CAPN2: variants seen among roughly 807,000 people sequenced by gnomAD.
The protein encoded by CAPN2 is calpain-2 catalytic subunit.
Under a neutral mutation model 102.3 loss-of-function variants are expected in CAPN2, and 92 were observed. That is an observed-to-expected ratio of 0.90 (90% CI 0.76 to 1.07). The LOEUF (loss-of-function observed/expected upper bound fraction) is 1.07, where lower values mean the gene tolerates loss of function less well. CAPN2 is among the 50% of genes least tolerant of loss of function. The pLI is 0.00. For missense variants in CAPN2, 800 were observed against 909.4 expected (o/e 0.88, Z 1.55); for synonymous variants, 340 against 355.4 (o/e 0.96, Z 0.49).
chr1:223,770,562 ATC>A, intron 18 of CAPN2, 37 bp downstream of exon 18: 1 of 1,356,380 alleles, frequency 7.4e-7, no homozygotes, highest in Admixed American at 1.7e-5. Context: ...TCCTAGTTTA[ATC>A]TGTCTGTAGA....
Position 223,759,109 on chromosome 1 carries a change from GC to G in CAPN2, c.1318-158del. The G allele has an allele frequency of 1.5e-6, 1 of 675,004 alleles. No homozygotes were observed. 41.8% of individuals were successfully genotyped at this position (675,004 alleles called of 1,614,324 possible). ...TATATAGATGAGGGCTTCCTGTGTTGCCCAGGCTGGTTTCTGACGCCTGGCC... is the reference window on the plus strand; with the variant it reads ...TATATAGATGAGGGCTTCCTGTGTTGCCAGGCTGGTTTCTGACGCCTGGCC... On this transcript the variant is annotated intron_variant, in intron 11 of 20. Coordinates refer to ENST00000295006, the MANE Select transcript of CAPN2 (RefSeq NM_001748.5). This position sits in a 1 kb window ranked among gnomAD's most constrained non-coding sequence, Gnocchi z 4.6.
intron 2 of CAPN2, among the ~76,000 whole-genome samples, chr1:223,732,534 C>T (rs376309704): frequency 1.3e-5 from 2 of 152,250 alleles, no homozygotes; most frequent in South Asian, 2.1e-4. Flanking sequence ...GCAGAGGTCA[C>T]TCTTGTCACC....
intron 5 of CAPN2, 137 bp downstream of exon 5, chr1:223,747,302 C>T: frequency 2.7e-6 from 2 of 749,702 alleles, no homozygotes; most frequent in Non-Finnish European, 4.0e-6. Flanking sequence ...AAAGGAAAAC[C>T]TCCCTCCACC....
chr1:223,755,724 G>GTTCTGCCTCTGGGGTC lies in CAPN2; in HGVS notation c.1305+75_1305+76insTTCTGCCTCTGGGGTC. ...GCCCCTGCATGGAAAGCTGACCCCA[G>GTTCTGCCTCTGGGGTC]AGGCAGAACTGGGGATGGGATCCCA... On this transcript the variant is annotated intron_variant, in intron 10 of 20. Transcript: ENST00000295006. The surrounding 1 kb of genome is among the most constrained non-coding windows in gnomAD (Gnocchi z 4.1). 1.4e-6 allele frequency: 2 copies of GTTCTGCCTCTGGGGTC among 1,380,754 alleles called. No individual in the cohort carries two copies. The highest frequency in any genetic ancestry group is 1.9e-6 in the Non-Finnish European group (2 of 1,031,188). 85.5% of individuals were successfully genotyped at this position (1,380,754 alleles called of 1,614,324 possible).
intron 16 of CAPN2, among the ~76,000 whole-genome samples, chr1:223,766,682 G>GGC: frequency 6.6e-6 from 1 of 152,278 alleles, no homozygotes; most frequent in Non-Finnish European, 1.5e-5. Context: ...GCCCATGGCG[G>GGC]GCGGTGGCTC....
intron 4 of CAPN2, 31 bp from the exon 5 acceptor site, chr1:223,746,966 G>A (rs1558070442): frequency 6.3e-7 from 1 of 1,597,556 alleles, no homozygotes; most frequent in Non-Finnish European, 8.6e-7. Context: ...TAGTGTCAAG[G>A]GTAGCGGCAG....
intron 2 of CAPN2, among the ~76,000 whole-genome samples, chr1:223,739,970 G>T (rs1009862207): frequency 6.6e-6 from 1 of 152,180 alleles, no homozygotes; most frequent in Non-Finnish European, 1.5e-5. Flanking sequence ...AGACGTCATG[G>T]ACTTCAACCA....
rs1271867271 is a variant in CAPN2 at position 223,772,214 on chromosome 1, G to C, written c.2054G>C (p.Gly685Ala). ...AAGCAGCTGGATCCCGAGAATACTGGAACAATAGAGCTCGACCTTATCTCT... is the reference window on the plus strand; with the variant it reads ...AAGCAGCTGGATCCCGAGAATACTGCAACAATAGAGCTCGACCTTATCTCT... ...IFKQLDPENT[G>A]TIELDLISWL... The change falls in exon 20 of 21, where the codon GGA becomes GCA. Residue 685 changes from glycine to alanine, a missense_variant. Gly to Ala is a moderately conservative substitution (Grantham distance 60, BLOSUM62 0). Transcript: ENST00000295006. The C allele has an allele frequency of 1.9e-6, 3 of 1,614,122 alleles. No homozygotes were observed. The highest frequency in any genetic ancestry group is 4.5e-5 in the East Asian group (2 of 44,882).
At chr1:223,761,464 G>T in intron 12 of CAPN2, 117 bp from the exon 13 acceptor site, 2 of 737,732 alleles carry the variant, frequency 2.7e-6, no homozygotes, top group Non-Finnish European at 2.2e-6. Flanking sequence ...CCGCAGCCCT[G>T]CCCCACCCCA....
chr1:223,751,798 G>C (rs1217864765), intron 7 of CAPN2, among the ~76,000 whole-genome samples, 199 bp from the exon 8 acceptor site: 1 of 152,168 alleles, frequency 6.6e-6, no homozygotes, highest in Non-Finnish European at 1.5e-5. Flanking sequence ...TCCCTGGTTT[G>C]CATCTGTATA....
At chr1:223,765,033 C>A (rs1661276556) in intron 15 of CAPN2, among the ~76,000 whole-genome samples, 1 of 152,150 alleles carries the variant, frequency 6.6e-6, no homozygotes, top group Admixed American at 6.5e-5. Context: ...AATCACGCTG[C>A]ATTTGTTAAG....
At chr1:223,716,595 A>G (rs1659878696) in intron 1 of CAPN2, among the ~76,000 whole-genome samples, 2 of 151,880 alleles carry the variant, frequency 1.3e-5, no homozygotes, top group African/African-American at 4.8e-5. Flanking sequence ...CAAGTCTCAT[A>G]TAGGCATACT....
chr1:223,744,626 C>A (rs1404526877), intron 3 of CAPN2, among the ~76,000 whole-genome samples: 1 of 152,084 alleles, frequency 6.6e-6, no homozygotes, highest in Non-Finnish European at 1.5e-5. Flanking sequence ...TTTGGGAGGC[C>A]GAGGTGGGCA....
At chr1:223,757,226 C>T in intron 10 of CAPN2, 143 bp from the exon 11 acceptor site, 1 of 905,546 alleles carries the variant, frequency 1.1e-6, no homozygotes, top group East Asian at 2.4e-5. Flanking sequence ...GCTTTGAGTT[C>T]CTTGGAAAAC....
chr1:223,758,689 C>CTTTTTT (rs1553255729), intron 11 of CAPN2: 1 of 146,728 alleles, frequency 6.8e-6, no homozygotes, highest in Non-Finnish European at 1.5e-5. Context: ...AGAAAGTTTG[C>CTTTTTT]TTTTTGTTTT....
intron 14 of CAPN2, 58 bp downstream of exon 14, chr1:223,762,309 G>A (rs1214098119): frequency 7.3e-7 from 1 of 1,366,188 alleles, no homozygotes; most frequent in East Asian, 2.3e-5. Flanking sequence ...AAGAGACAGT[G>A]TGTGTCCCCA....
At chr1:223,769,766 C>A in intron 16 of CAPN2, 75 bp from the exon 17 acceptor site, 1 of 1,076,596 alleles carries the variant, frequency 9.3e-7, no homozygotes, top group Non-Finnish European at 1.4e-6. Flanking sequence ...TCAAAAGATC[C>A]AGTTGAGAAG....
At chr1:223,773,943 A>T (rs1038763207) in intron 20 of CAPN2, among the ~76,000 whole-genome samples, 22 of 152,106 alleles carry the variant, frequency 1.4e-4, no homozygotes, top group African/African-American at 5.3e-4. Flanking sequence ...CTAAGGTGGG[A>T]GGAACACCTG....
intron 5 of CAPN2, 131 bp downstream of exon 5, chr1:223,747,296 G>A (rs960931885): frequency 2.4e-6 from 2 of 826,228 alleles, no homozygotes; most frequent in Non-Finnish European, 3.5e-6. Flanking sequence ...GGGGCCAAAG[G>A]AAAACCTCCC....
Sources: allele counts gnomAD v4.1 joint callset (sites outside exome capture counted in the v4.1 genomes callset), GRCh38; gene constraint gnomAD v4.1.1; non-coding constraint Gnocchi (gnomAD v3.1); transcripts MANE v1.5; gene names NCBI Gene and HGNC (gene_info 2026-07-23, HGNC 2026-07-21).